Variants in EPG5 observed in about 807,000 individuals in gnomAD.
EPG5 encodes the protein ectopic P granules protein 5 homolog.
In EPG5, 159 loss-of-function variants were observed where a neutral mutation model predicts 302.7. The observed-to-expected ratio is 0.53, with a 90% CI of 0.46 to 0.60. EPG5 has a LOEUF of 0.60. Ranked by LOEUF, EPG5 falls within the 20% of genes least tolerant of loss-of-function variation. The pLI, the probability that EPG5 is intolerant of heterozygous loss-of-function variation, is 0.00. For synonymous variants in EPG5, 1,158 were observed against 1,136.8 expected, an observed-to-expected ratio of 1.02 and a Z score of -0.37; for missense variants, 2,896 against 3,092.4, an observed-to-expected ratio of 0.94 and a Z score of 1.51.
At chr18:45,898,364 C>T (rs2049527632) in intron 27 of EPG5, among the ~76,000 whole-genome samples, 1 of 152,202 alleles carries the variant, frequency 6.6e-6, no homozygotes, top group Non-Finnish European at 1.5e-5. Context: ...ATGATAAAGG[C>T]CACCTTGCAG....
chr18:45,885,174 A>C (rs192926600), intron 29 of EPG5, among the ~76,000 whole-genome samples: 282 of 152,220 alleles, frequency 1.9e-3, no homozygotes, highest in Middle Eastern at 0.01. Context: ...CCCCGTCTCT[A>C]CTAAAAATAC....
Position 45,848,620 on chromosome 18 carries a change from G to T in EPG5, c.*3847C>A, listed in dbSNP as rs1273977630. 1 of 152,276 alleles carries T rather than the reference G, an allele frequency of 6.6e-6. No homozygotes were observed. Among genetic ancestry groups the T allele is most frequent in the African/African-American group, 2.4e-5 (1 of 41,458 alleles). The allele number at this position is 152,276 out of a possible 1,614,324, so 9.4% of individuals were successfully genotyped here. ...CCAAGGAAGCACTCTCTTGGCACCT[G>T]CAAGCAAGCACCAACTTAAATGTAT... is the stretch of plus-strand genomic sequence containing the variant. On this transcript the variant is annotated 3_prime_UTR_variant, in exon 44 of 44. Transcript: ENST00000282041.
chr18:45,828,031 A>C, the EPG5 span, among the ~76,000 whole-genome samples: 10 of 152,222 alleles, frequency 6.6e-5, no homozygotes, highest in Non-Finnish European at 1.5e-4. Flanking sequence ...AGGGTGGTCC[A>C]GGCCCCCACT....
the EPG5 span, among the ~76,000 whole-genome samples, chr18:45,802,407 C>T: frequency 3.7e-4 from 56 of 152,240 alleles, 1 homozygote; most frequent in Admixed American, 2.9e-3. Flanking sequence ...GTTGTCCCAG[C>T]TATTCAGGTG....
At chr18:45,860,641 C>T (rs114441982) in intron 39 of EPG5, among the ~76,000 whole-genome samples, 1,874 of 152,292 alleles carry the variant, frequency 0.012, 35 homozygotes, top group African/African-American at 0.042. Flanking sequence ...GAAAGAGTAA[C>T]TTATCAGAAC....
chr18:45,910,563 G>C lies in EPG5; in HGVS notation c.4163C>G (p.Pro1388Arg). ...EGLPESHSGT[P>R]GYLTSPELHK... ...CAGTTCTGGTGAAGTCAGGTAACCAGGGGTGCCAGAGTGGCTCTCTGGCAG... is the reference window on the plus strand; with the variant it reads ...CAGTTCTGGTGAAGTCAGGTAACCACGGGTGCCAGAGTGGCTCTCTGGCAG... Residue 1388 changes from proline (P) to arginine (R), a missense_variant, in exon 23 of 44, where the codon CCT (proline) becomes CGT (arginine). By Grantham distance (103) the Pro-to-Arg change is moderately radical (BLOSUM62 -2). This residue lies in a region of EPG5 where 790 missense variants were observed against 798.0 expected (regional missense o/e 0.99). Transcript: ENST00000282041. 6.2e-7 allele frequency: 1 copy of C among 1,613,512 alleles called. No individual in the cohort carries two copies. Among genetic ancestry groups the C allele is most frequent in the Non-Finnish European group, 8.5e-7 (1 of 1,179,868 alleles).
At chr18:45,935,798 T>C (rs1157060237) in intron 10 of EPG5, among the ~76,000 whole-genome samples, 1 of 152,176 alleles carries the variant, frequency 6.6e-6, no homozygotes, top group Non-Finnish European at 1.5e-5. Context: ...TTCAAAGGCT[T>C]CCACAGTATG....
Position 45,929,017 on chromosome 18 carries a change from G to C in EPG5, c.2413-8C>G. The C allele has an allele frequency of 6.2e-7, 1 of 1,611,992 alleles. No homozygotes were observed. On this transcript the variant is annotated splice_region_variant and splice_polypyrimidine_tract_variant and intron_variant, in intron 12 of 43. Transcript: ENST00000282041. Reference sequence around the variant, plus strand: ...CAAGGTGACATAAGATACCTAAATGGGGGGAAGGGGGAAGAAGATGGCACT... The same window carrying C: ...CAAGGTGACATAAGATACCTAAATGCGGGGAAGGGGGAAGAAGATGGCACT...
chr18:45,830,585 T>TTC, the EPG5 span, among the ~76,000 whole-genome samples: 80 of 124,286 alleles, frequency 6.4e-4, 1 homozygote, highest in South Asian at 0.022. Flanking sequence ...TTTTCTTTCT[T>TTC]TTTTTTTTTT....
intron 1 of EPG5, among the ~76,000 whole-genome samples, chr18:45,961,414 C>T (rs1054733442): frequency 6.6e-6 from 1 of 152,226 alleles, no homozygotes; most frequent in Non-Finnish European, 1.5e-5. Flanking sequence ...ACTAACCACA[C>T]TGCCTCCTTG....
chr18:45,878,126 T>C (rs1458360411), intron 34 of EPG5, among the ~76,000 whole-genome samples: 1 of 152,230 alleles, frequency 6.6e-6, no homozygotes, highest in African/African-American at 2.4e-5. Context: ...CAACCTCTTA[T>C]TGTGGAAAAC....
chr18:45,955,708 G>C (rs1351078633), intron 1 of EPG5, among the ~76,000 whole-genome samples: 1 of 152,230 alleles, frequency 6.6e-6, no homozygotes, highest in South Asian at 2.1e-4. Context: ...GCCACAATAG[G>C]TTTGTCTTCA....
At chr18:45,835,303 A>G in the EPG5 span, among the ~76,000 whole-genome samples, 2 of 151,946 alleles carry the variant, frequency 1.3e-5, no homozygotes, top group Non-Finnish European at 2.9e-5. Flanking sequence ...AGAGATGGGC[A>G]TGTGCACTAG....
chr18:45,876,360 A>G lies in EPG5; in HGVS notation c.5943-18T>C. On this transcript the variant is annotated intron_variant, in intron 34 of 43. Coordinates refer to ENST00000282041, the MANE Select transcript of EPG5 (RefSeq NM_020964.3). ...GTTGGCTGCTTTAAAGAAAAGAAGC[A>G]CACACTTAGGAATGCAACCGTGATT... 2 of 1,593,632 alleles carry G rather than the reference A, an allele frequency of 1.3e-6. No homozygotes were observed. Among genetic ancestry groups the G allele is most frequent in the Middle Eastern group, 1.7e-4 (1 of 6,016 alleles).
intron 35 of EPG5, among the ~76,000 whole-genome samples, chr18:45,874,574 G>A (rs973056984): frequency 5.3e-5 from 8 of 152,136 alleles, no homozygotes; most frequent in Non-Finnish European, 7.4e-5. Context: ...GAGAATGAGA[G>A]CCAAGCAATA....
chr18:45,832,060 C>G, the EPG5 span, among the ~76,000 whole-genome samples: 1 of 152,232 alleles, frequency 6.6e-6, no homozygotes, highest in African/African-American at 2.4e-5. Flanking sequence ...TGGCATCACC[C>G]TGAGCACTTT....
intron 14 of EPG5, 141 bp from the exon 15 acceptor site, chr18:45,923,528 A>G: frequency 2.3e-6 from 2 of 876,030 alleles, no homozygotes; most frequent in Non-Finnish European, 3.4e-6. Flanking sequence ...CATCCCACAC[A>G]GTCAAACTAT....
At chr18:45,932,414 A>G (rs915386678) in intron 11 of EPG5, among the ~76,000 whole-genome samples, 1 of 152,212 alleles carries the variant, frequency 6.6e-6, no homozygotes, top group African/African-American at 2.4e-5. Flanking sequence ...TTTAACAATC[A>G]TTGCTAAGAA....
At chr18:45,933,179 G>A (rs540637228) in intron 11 of EPG5, among the ~76,000 whole-genome samples, 17 of 152,216 alleles carry the variant, frequency 1.1e-4, no homozygotes, top group Non-Finnish European at 2.2e-4. Flanking sequence ...TAGCTCACTC[G>A]TAAGCCCAGG....
Sources: gnomAD v4.1 joint callset for allele counts (sites outside exome capture counted in the v4.1 genomes callset) on GRCh38, gnomAD v4.1.1 for gene constraint, gnomAD v4.1.1 regional missense constraint, MANE v1.5 for transcripts, NCBI Gene and HGNC (gene_info 2026-07-23, HGNC 2026-07-21) for gene names.